Variants in PDXDC1 observed in about 807,000 individuals in gnomAD.
PDXDC1 encodes pyridoxal dependent decarboxylase domain containing 1.
In PDXDC1, 42 loss-of-function variants were observed where a neutral mutation model predicts 100.1. The ratio of observed to expected loss-of-function variants is 0.42; its 90% CI spans 0.33 to 0.54. The LOEUF is 0.54. Ranked by LOEUF, PDXDC1 falls within the 20% of genes least tolerant of loss-of-function variation. The pLI, the probability that PDXDC1 is intolerant of heterozygous loss-of-function variation, is 0.10. For synonymous variants in PDXDC1, 260 were observed against 371.7 expected (o/e 0.70, Z 3.46); for missense variants, 636 against 979.2 (o/e 0.65, Z 4.68).
intron 8 of PDXDC1, among the ~76,000 whole-genome samples, chr16:15,013,478 G>A (rs1230031472): frequency 6.6e-6 from 1 of 152,218 alleles, no homozygotes; most frequent in Non-Finnish European, 1.5e-5. Flanking sequence ...GGGGGTTGAT[G>A]GAAGTATTCT....
At chr16:15,073,700 C>T (rs2045336277) in intron 16 of PDXDC1, among the ~76,000 whole-genome samples, 1 of 152,132 alleles carries the variant, frequency 6.6e-6, no homozygotes, top group Non-Finnish European at 1.5e-5. Context: ...AATATATAGG[C>T]ACAAGTATGT....
the PDXDC1 span, among the ~76,000 whole-genome samples, chr16:15,149,019 G>T: frequency 3.3e-5 from 5 of 152,222 alleles, no homozygotes; most frequent in East Asian, 1.9e-4. Context: ...CGGGAGCCAC[G>T]TAAGACCCGG....
At chr16:15,141,655 C>G, downstream of PDXDC1, among the ~76,000 whole-genome samples, 1 of 152,220 alleles carries the variant, frequency 6.6e-6, no homozygotes, top group Admixed American at 6.5e-5. Flanking sequence ...GTCCCCTCCT[C>G]TACACCAAGG....
chr16:15,098,442 C>A (rs536882058), intron 16 of PDXDC1, among the ~76,000 whole-genome samples: 37 of 152,072 alleles, frequency 2.4e-4, no homozygotes, highest in Admixed American at 1.2e-3. Context: ...CTCAGGTGAT[C>A]TGCCTACCTT....
At position 15,131,436 on chromosome 16, in the gene PDXDC1, AG is replaced by A; in HGVS notation, c.1400-7442del. On this transcript the variant is annotated intron_variant, in intron 16 of 16. Coordinates refer to the PDXDC1 transcript ENST00000535621. ...TGAGGTTAGCCGGGGCCCTGCTGAA[AG>A]CCTAGGGGATGGAGAAGTGGCAGCC... 4 of 1,608,504 alleles carry A rather than the reference AG, an allele frequency of 2.5e-6. No individual in the cohort carries two copies. The South Asian group carries it at 4.4e-5, about 18-fold the overall frequency.
At chr16:15,140,440 T>G (rs1275168508), downstream of PDXDC1, among the ~76,000 whole-genome samples, 1 of 95,738 alleles carries the variant, frequency 1.0e-5, no homozygotes, top group Non-Finnish European at 1.9e-5. Context: ...AGAGTGAAGC[T>G]CCATCTCAAA....
At chr16:15,094,718 T>A (rs2046292041) in intron 16 of PDXDC1, 1 of 164,358 alleles carries the variant, frequency 6.1e-6, no homozygotes, top group African/African-American at 2.4e-5. Flanking sequence ...GATAACGTTA[T>A]CCTCACGGAA....
chr16:14,991,224 A>G (rs1162490311), intron 1 of PDXDC1, among the ~76,000 whole-genome samples: 1 of 152,190 alleles, frequency 6.6e-6, no homozygotes, highest in Non-Finnish European at 1.5e-5. Flanking sequence ...TGGCTTCTAA[A>G]CTATTTTGTG....
At chr16:15,089,786 CAAAAAAAAAAAAAAA>C (rs142235345) in intron 16 of PDXDC1, among the ~76,000 whole-genome samples, 1 of 66,574 alleles carries the variant, frequency 1.5e-5, no homozygotes, top group Admixed American at 2.3e-4. Flanking sequence ...GGCGACAGAG[CAAAAAAAAAAAAAAA>C]AAAAAAAAAA....
At chr16:15,071,082 C>T (rs1408940490) in intron 16 of PDXDC1, 1 of 1,549,284 alleles carries the variant, frequency 6.5e-7, no homozygotes, top group African/African-American at 1.4e-5. Flanking sequence ...CTTTTTAAAG[C>T]ATGATATTAA....
chr16:15,148,468 T>C, the PDXDC1 span, among the ~76,000 whole-genome samples: 4 of 144,418 alleles, frequency 2.8e-5, no homozygotes, highest in East Asian at 6.6e-4. Flanking sequence ...ACTGCAGCCT[T>C]GACCTCCTCG....
intron 1 of PDXDC1, among the ~76,000 whole-genome samples, chr16:14,987,992 CTTTTTTTTTT>C (rs58211541): frequency 4.4e-4 from 59 of 134,578 alleles, no homozygotes; most frequent in Non-Finnish European, 6.5e-4. Flanking sequence ...TTATACAATT[CTTTTTTTTTT>C]TTTTTTTTTG....
the PDXDC1 span, among the ~76,000 whole-genome samples, chr16:15,149,043 G>A: frequency 6.6e-6 from 1 of 152,174 alleles, no homozygotes; most frequent in Admixed American, 6.5e-5. Context: ...AGGGACCCCG[G>A]GTGAGGCCAG....
At chr16:15,041,207 G>A, downstream of PDXDC1, 1 of 884,388 alleles carries the variant, frequency 1.1e-6, no homozygotes, top group Non-Finnish European at 1.9e-6. Flanking sequence ...CGAAGGAGGA[G>A]CTCCTCGATG....
At chr16:15,140,842 C>T (rs556660449), downstream of PDXDC1, among the ~76,000 whole-genome samples, 4 of 152,146 alleles carry the variant, frequency 2.6e-5, no homozygotes, top group African/African-American at 9.7e-5. Flanking sequence ...GACTGTGGCT[C>T]CGCAGGTCTG....
chr16:15,148,874 CT>C, the PDXDC1 span, among the ~76,000 whole-genome samples: 1 of 152,204 alleles, frequency 6.6e-6, no homozygotes, highest in Non-Finnish European at 1.5e-5. Flanking sequence ...TCCCCCACCC[CT>C]GCCGGCAATC....
At position 15,084,573 on chromosome 16, in the gene PDXDC1, A is replaced by G. The variant is rs562729851; in HGVS notation, c.1400-54306A>G. ...CAAGCTTTAATACTATTAACATTTT[A>G]TAATTTTTACTAATTGATTACAATT... is the stretch of plus-strand genomic sequence containing the variant. On this transcript the variant is annotated intron_variant, in intron 16 of 16. Coordinates refer to the PDXDC1 transcript ENST00000535621. 11 of 1,145,644 alleles carry G rather than the reference A, an allele frequency of 9.6e-6. No individual in the cohort carries two copies. The Admixed American group carries it at 2.1e-4, about 22-fold the overall frequency. 71.0% of individuals were successfully genotyped at this position (1,145,644 alleles called of 1,614,324 possible). A position where few individuals can be genotyped will look rare whatever the true frequency, so the allele number is the denominator to read the frequency against.
At chr16:14,983,949 G>A (rs1428404922) in intron 1 of PDXDC1, among the ~76,000 whole-genome samples, 1 of 152,246 alleles carries the variant, frequency 6.6e-6, no homozygotes, top group Non-Finnish European at 1.5e-5. Context: ...GATCTCTTGA[G>A]CCCAGGAGTT....
At chr16:15,081,009 TAC>T (rs535159115) in intron 16 of PDXDC1, among the ~76,000 whole-genome samples, 69 of 152,320 alleles carry the variant, frequency 4.5e-4, no homozygotes, top group South Asian at 2.7e-3. Context: ...AGTCATATAA[TAC>T]ACAGTCTTTT....
Sources: gnomAD v4.1 joint callset for allele counts (sites outside exome capture counted in the v4.1 genomes callset) on GRCh38, gnomAD v4.1.1 for gene constraint, MANE v1.5 for transcripts, NCBI Gene and HGNC (gene_info 2026-07-23, HGNC 2026-07-21) for gene names.